The following EPDR1 variants were observed in gnomAD, a reference collection of about 807,000 sequenced individuals.
The protein encoded by EPDR1 is mammalian ependymin-related protein 1.
A neutral mutation model predicts 23.7 loss-of-function variants in EPDR1; 27 were observed. The ratio of observed to expected loss-of-function variants is 1.14; its 90% CI spans 0.84 to 1.57. The LOEUF (loss-of-function observed/expected upper bound fraction) is 1.57, where lower values mean the gene tolerates loss of function less well. EPDR1 is among the 40% of genes most tolerant of loss of function. The pLI is 0.00. For synonymous variants in EPDR1, 137 were observed against 118.2 expected, an observed-to-expected ratio of 1.16 and a Z score of -1.03; for missense variants, 349 against 290.4, an observed-to-expected ratio of 1.20 and a Z score of -1.47.
intron 1 of EPDR1, among the ~76,000 whole-genome samples, chr7:37,944,834 G>A (rs1786240429): frequency 6.6e-6 from 1 of 152,146 alleles, no homozygotes; most frequent in Non-Finnish European, 1.5e-5. Context: ...GGGGAGTGAT[G>A]GCGATGATTT....
chr7:37,920,967 G>C lies in EPDR1; in HGVS notation c.28G>C (p.Val10Leu), dbSNP rs751834014. The change falls in exon 1 of 3, where the codon GTC becomes CTC. Residue 10 changes from valine (V) to leucine (L), a missense_variant. Physicochemically the swap from Val to Leu is conservative, Grantham distance 32. Transcript: ENST00000199448. Reference protein sequence around the residue: MPGRAPLRTVPGALGAWLLG... With the variant: MPGRAPLRTLPGALGAWLLG... ...GCCAGGACGCGCTCCCCTCCGCACCGTCCCGGGCGCCCTGGGTGCCTGGCT... is the reference window on the plus strand; with the variant it reads ...GCCAGGACGCGCTCCCCTCCGCACCCTCCCGGGCGCCCTGGGTGCCTGGCT... The C allele has an allele frequency of 8.3e-6, 13 of 1,570,916 alleles. No individual in the cohort carries two copies. The highest frequency in any genetic ancestry group is 1.1e-5 in the Non-Finnish European group (13 of 1,161,108).
intron 1 of EPDR1, among the ~76,000 whole-genome samples, chr7:37,926,054 A>G (rs1399756473): frequency 2.6e-5 from 4 of 152,074 alleles, no homozygotes; most frequent in Non-Finnish European, 5.9e-5. Flanking sequence ...CTCCCTTCCT[A>G]CTAAGAATGG....
At chr7:37,921,514 C>G (rs1785705108) in intron 1 of EPDR1, 5 of 1,315,156 alleles carry the variant, frequency 3.8e-6, no homozygotes, top group Admixed American at 3.8e-5. Flanking sequence ...CAGGTTCGCC[C>G]CTGTTCTCAC....
chr7:37,923,986 G>T (rs1166801131), intron 1 of EPDR1, among the ~76,000 whole-genome samples: 3 of 152,198 alleles, frequency 2.0e-5, no homozygotes, highest in Non-Finnish European at 4.4e-5. Flanking sequence ...GAGACTTGCT[G>T]CCAGCCCTTT....
Position 37,944,940 on chromosome 7 carries a change from C to T in EPDR1, c.270-3900C>T, listed in dbSNP as rs542120501. On this transcript the variant is annotated intron_variant, in intron 1 of 2. Coordinates refer to ENST00000199448, the MANE Select transcript of EPDR1 (RefSeq NM_017549.5). ...CACACAACAGGGATATCAGCAAAAGCTAGGAATGCCTTTCTAGCCCAGATA... is the reference window on the plus strand; with the variant it reads ...CACACAACAGGGATATCAGCAAAAGTTAGGAATGCCTTTCTAGCCCAGATA... 7.2e-5 allele frequency among the ~76,000 whole-genome samples: 11 copies of T among 152,280 alleles called. No homozygotes were observed. The South Asian group carries it at 2.3e-3, about 32-fold the overall frequency.
At chr7:37,946,577 A>C (rs1392487442) in intron 1 of EPDR1, among the ~76,000 whole-genome samples, 2 of 152,222 alleles carry the variant, frequency 1.3e-5, no homozygotes, top group Non-Finnish European at 2.9e-5. Context: ...TCCCACTTAC[A>C]TAAAAGGTAA....
chr7:37,921,766 C>T (rs1008343306), intron 1 of EPDR1, among the ~76,000 whole-genome samples: 4 of 152,122 alleles, frequency 2.6e-5, no homozygotes, highest in African/African-American at 4.8e-5. Flanking sequence ...TTGGTCTACT[C>T]CTTTTAAGTT....
chr7:37,928,684 T>C lies in EPDR1; in HGVS notation c.269+7476T>C, dbSNP rs531283563. On this transcript the variant is annotated intron_variant, in intron 1 of 2. Transcript: ENST00000199448. The stretch of plus-strand genomic sequence containing the variant: ...CAACATGCTAGTCTTCTGGTTTTCC[T>C]TCTCCCACCTTATTTCCTCTCCTCA... Among the ~76,000 whole-genome samples the C allele has an allele frequency of 4.6e-5, 7 of 152,330 alleles. No individual in the cohort carries two copies. In the East Asian group the frequency reaches 1.3e-3, roughly 29 times the overall value.
At chr7:37,941,446 C>A (rs1055331018) in intron 1 of EPDR1, among the ~76,000 whole-genome samples, 5 of 152,234 alleles carry the variant, frequency 3.3e-5, no homozygotes, top group African/African-American at 1.2e-4. Flanking sequence ...CATCACCTGT[C>A]TTCAGATATG....
Position 37,929,710 on chromosome 7 carries a change from G to A in EPDR1, c.269+8502G>A, listed in dbSNP as rs192360622. On this transcript the variant is annotated intron_variant, in intron 1 of 2. Coordinates refer to ENST00000199448, the MANE Select transcript of EPDR1 (RefSeq NM_017549.5). Reference sequence around the variant, plus strand: ...TCTGTTAAGAATGATTTTTGACATCGAATTACACTGCAGTGTTTTGAAAAG... The same window carrying A: ...TCTGTTAAGAATGATTTTTGACATCAAATTACACTGCAGTGTTTTGAAAAG... Among the ~76,000 whole-genome samples, 320 of 151,970 alleles carry A rather than the reference G, an allele frequency of 2.1e-3. 1 individual carries two copies. The highest frequency in any genetic ancestry group is 7.3e-3 in the African/African-American group (303 of 41,406).
rs751834014 is a variant in EPDR1 at position 37,920,967 on chromosome 7, G to A, written c.28G>A (p.Val10Ile). The A allele has an allele frequency of 1.9e-6, 3 of 1,570,914 alleles. No homozygotes were observed. Among genetic ancestry groups the A allele is most frequent in the Non-Finnish European group, 2.6e-6 (3 of 1,161,108 alleles). Reference protein sequence around the residue: MPGRAPLRTVPGALGAWLLG... With the variant: MPGRAPLRTIPGALGAWLLG... ...GCCAGGACGCGCTCCCCTCCGCACC[G>A]TCCCGGGCGCCCTGGGTGCCTGGCT... Residue 10 changes from valine (V) to isoleucine (I), a missense_variant, in exon 1 of 3, where the codon GTC (valine) becomes ATC (isoleucine). Val to Ile is a conservative substitution (Grantham distance 29, BLOSUM62 3). Transcript: ENST00000199448.
chr7:37,937,985 A>ATTTTTTT (rs35752051), intron 1 of EPDR1, among the ~76,000 whole-genome samples: 781 of 72,376 alleles, frequency 0.011, 81 homozygotes, highest in African/African-American at 0.033. Context: ...TGCCCTTTAA[A>ATTTTTTT]TTTTTTTTTT....
At chr7:37,925,064 C>T (rs948072320) in intron 1 of EPDR1, among the ~76,000 whole-genome samples, 3 of 152,176 alleles carry the variant, frequency 2.0e-5, no homozygotes, top group African/African-American at 7.2e-5. Context: ...ATAAGACAAG[C>T]CTGAGCAGCA....
intron 1 of EPDR1, among the ~76,000 whole-genome samples, chr7:37,933,412 C>T (rs2598107): frequency 0.34 from 51,461 of 151,994 alleles, 8,878 homozygotes; most frequent in South Asian, 0.46. Flanking sequence ...CTGTTGAGAG[C>T]GAGAAGGCAC....
Position 37,921,106 on chromosome 7 carries a change from A to C in EPDR1, c.167A>C (p.Gln56Pro), listed in dbSNP as rs1240742880. ...TGGGAGGGGCGCCAGGTTATGTACC[A>C]GCAAAGTAGCGGGCGCAACAGCCGC... is the stretch of plus-strand genomic sequence containing the variant. Reference protein sequence around the residue: ...QQWEGRQVMYQQSSGRNSRAL... With the variant: ...QQWEGRQVMYPQSSGRNSRAL... Residue 56 changes from glutamine to proline, a missense_variant, in exon 1 of 3, where the codon CAG (glutamine) becomes CCG (proline). Gln to Pro is a moderately conservative substitution (Grantham distance 76, BLOSUM62 -1). Coordinates refer to ENST00000199448, the MANE Select transcript of EPDR1 (RefSeq NM_017549.5). The C allele has an allele frequency of 6.3e-7, 1 of 1,592,920 alleles. No individual in the cohort carries two copies. Among genetic ancestry groups the C allele is most frequent in the Non-Finnish European group, 8.5e-7 (1 of 1,177,032 alleles).
intron 1 of EPDR1, among the ~76,000 whole-genome samples, chr7:37,925,285 C>A (rs1785791816): frequency 1.3e-5 from 2 of 152,188 alleles, no homozygotes; most frequent in South Asian, 4.1e-4. Context: ...ATAGGCTCCC[C>A]CTTACAAAAT....
chr7:37,938,775 G>A (rs1475549501), intron 1 of EPDR1, among the ~76,000 whole-genome samples: 2 of 152,144 alleles, frequency 1.3e-5, no homozygotes, highest in Non-Finnish European at 2.9e-5. Context: ...TTCCATTGAA[G>A]GGTCTGCTCT....
rs147877097 is a variant in EPDR1, at chr7:37,920,975, C to A, written c.36C>A (p.Gly12=). 0.013 allele frequency: 20,773 copies of A among 1,560,964 alleles called. 164 individuals carry two copies. Among genetic ancestry groups the A allele is most frequent in the Non-Finnish European group, 0.016 (18,324 of 1,156,456 alleles). Residue 12 remains glycine, a synonymous_variant, in exon 1 of 3, where the codon GGC becomes GGA. Transcript: ENST00000199448. ...GCGCTCCCCTCCGCACCGTCCCGGG[C>A]GCCCTGGGTGCCTGGCTGCTGGGCG... The part of the protein sequence containing the change: ...PGRAPLRTVP[G]ALGAWLLGGL...
At chr7:37,924,531 C>A (rs1785778663) in intron 1 of EPDR1, among the ~76,000 whole-genome samples, 1 of 152,146 alleles carries the variant, frequency 6.6e-6, no homozygotes, top group Non-Finnish European at 1.5e-5. Context: ...GTGTTTTATA[C>A]CTTTAGTGGA....
Sources: gnomAD v4.1 joint callset for allele counts (sites outside exome capture counted in the v4.1 genomes callset) on GRCh38, gnomAD v4.1.1 for gene constraint, MANE v1.5 for transcripts, NCBI Gene and HGNC (gene_info 2026-07-23, HGNC 2026-07-21) for gene names.